The following B4GALT6 variants were observed in gnomAD, a reference collection of about 807,000 sequenced individuals.
B4GALT6 encodes the protein UDP-Gal:beta-GlcNAc beta-1,4-galactosyltransferase 6.
Under a neutral mutation model 46.3 loss-of-function variants are expected in B4GALT6, and 14 were observed. The ratio of observed to expected loss-of-function variants is 0.30; its 90% CI spans 0.20 to 0.47. The LOEUF is 0.47. Among genes scored for constraint, B4GALT6 ranks in the 20% least tolerant of loss-of-function variants. The pLI is 0.99. For missense variants in B4GALT6, 386 were observed against 480.1 expected (o/e 0.80, Z 1.83); for synonymous variants, 168 against 162.0 (o/e 1.04, Z -0.28).
At chr18:31,717,644 A>T in the B4GALT6 span, among the ~76,000 whole-genome samples, 37 of 152,196 alleles carry the variant, frequency 2.4e-4, no homozygotes, top group African/African-American at 7.7e-4. Flanking sequence ...AGAATGGAGA[A>T]TACCATTTTT....
chr18:31,717,810 C>T, the B4GALT6 span, among the ~76,000 whole-genome samples: 2 of 151,824 alleles, frequency 1.3e-5, no homozygotes, highest in African/African-American at 2.4e-5. Flanking sequence ...CAAAATTAGC[C>T]GAGCGTGGTG....
chr18:31,629,785 G>C (rs1321686590), intron 6 of B4GALT6, among the ~76,000 whole-genome samples: 3 of 148,412 alleles, frequency 2.0e-5, no homozygotes, highest in African/African-American at 2.5e-5. Context: ...GGGAGGCAGA[G>C]CTTGCAGTGA....
the B4GALT6 span, among the ~76,000 whole-genome samples, chr18:31,693,513 T>C: frequency 6.6e-6 from 1 of 152,186 alleles, no homozygotes; most frequent in Non-Finnish European, 1.5e-5. Flanking sequence ...TAGCTTACTT[T>C]ATGCAAATGT....
chr18:31,648,420 A>C (rs1011083515), intron 3 of B4GALT6, among the ~76,000 whole-genome samples: 1 of 152,180 alleles, frequency 6.6e-6, no homozygotes, highest in South Asian at 2.1e-4. Flanking sequence ...AGGAGAACTG[A>C]GTGTCTGAAG....
chr18:31,715,537 CTTTTTTTTTTTTTTTTTT>C, the B4GALT6 span, among the ~76,000 whole-genome samples: 1 of 49,610 alleles, frequency 2.0e-5, no homozygotes, highest in Non-Finnish European at 3.3e-5. Context: ...CTGGAACTGT[CTTTTTTTTTTTTTTTTTT>C]TTTTTTTTTT....
chr18:31,685,487 G>A (rs919393130), upstream of B4GALT6, among the ~76,000 whole-genome samples: 2 of 151,858 alleles, frequency 1.3e-5, no homozygotes, highest in South Asian at 2.1e-4. Flanking sequence ...GCGCTGCGCC[G>A]GGCCCCGAGG....
At chr18:31,673,124 G>A (rs544166317) in intron 1 of B4GALT6, among the ~76,000 whole-genome samples, 2 of 152,260 alleles carry the variant, frequency 1.3e-5, no homozygotes, top group African/African-American at 2.4e-5. Flanking sequence ...GAAGCAAGAG[G>A]AAGGAGAAAA....
intron 3 of B4GALT6, among the ~76,000 whole-genome samples, chr18:31,653,172 C>A (rs761650591): frequency 1.2e-4 from 19 of 152,132 alleles, no homozygotes; most frequent in Admixed American, 5.9e-4. Context: ...ATGATGGAAC[C>A]CACAAGGCCC....
chr18:31,706,712 T>C, the B4GALT6 span, among the ~76,000 whole-genome samples: 1 of 152,236 alleles, frequency 6.6e-6, no homozygotes, highest in Admixed American at 6.5e-5. Flanking sequence ...GTTAATGTTT[T>C]ATAGCAAAAT....
chr18:31,682,665 T>C (rs1191029106), intron 1 of B4GALT6, among the ~76,000 whole-genome samples: 1 of 152,220 alleles, frequency 6.6e-6, no homozygotes, highest in African/African-American at 2.4e-5. Context: ...TTTTGAGTAA[T>C]ATAACTTTAA....
the B4GALT6 span, among the ~76,000 whole-genome samples, chr18:31,714,233 C>T: frequency 2.6e-5 from 4 of 152,314 alleles, no homozygotes; most frequent in East Asian, 1.9e-4. Context: ...CTATAATGGA[C>T]GATACAAAAC....
upstream of B4GALT6, among the ~76,000 whole-genome samples, chr18:31,689,676 G>A (rs2030043845): frequency 6.6e-6 from 1 of 151,062 alleles, no homozygotes; most frequent in African/African-American, 2.4e-5. Flanking sequence ...CCCGGGAGAC[G>A]GAGGTTGCAG....
At chr18:31,697,079 T>C in the B4GALT6 span, among the ~76,000 whole-genome samples, 1 of 152,160 alleles carries the variant, frequency 6.6e-6, no homozygotes, top group Non-Finnish European at 1.5e-5. Context: ...GAGACCATCC[T>C]GGGCAGCATG....
At chr18:31,676,200 T>C (rs916064013) in intron 1 of B4GALT6, among the ~76,000 whole-genome samples, 1 of 152,124 alleles carries the variant, frequency 6.6e-6, no homozygotes, top group Non-Finnish European at 1.5e-5. Context: ...AGGAAGGCAA[T>C]ACACGTAACA....
chr18:31,716,774 T>C, the B4GALT6 span, among the ~76,000 whole-genome samples: 1 of 152,308 alleles, frequency 6.6e-6, no homozygotes, highest in African/African-American at 2.4e-5. Context: ...GGGGCATTAA[T>C]GTGCTAACAG....
At chr18:31,717,385 T>C in the B4GALT6 span, among the ~76,000 whole-genome samples, 1 of 151,582 alleles carries the variant, frequency 6.6e-6, no homozygotes, top group African/African-American at 2.4e-5. Flanking sequence ...ACAAGGGGAG[T>C]TTCTGGGTGC....
rs978615892 is a variant in B4GALT6 at position 31,624,731 on chromosome 18, A to G, written c.*883T>C. On this transcript the variant is annotated 3_prime_UTR_variant, in exon 9 of 9. Transcript: ENST00000306851. ...CACCGTGAATTTAAAAAAAATACAC[A>G]GTATAAACACACAACCTTGGAAACA... is the stretch of plus-strand genomic sequence containing the variant. 2.6e-5 allele frequency: 4 copies of G among 152,376 alleles called. No homozygotes were observed. Among genetic ancestry groups the G allele is most frequent in the Admixed American group, 2.0e-4 (3 of 15,276 alleles). The allele number at this position is 152,376 out of a possible 1,614,324, so 9.4% of individuals were successfully genotyped here.
chr18:31,680,091 G>C (rs900284449), intron 1 of B4GALT6, among the ~76,000 whole-genome samples: 1 of 152,040 alleles, frequency 6.6e-6, no homozygotes, highest in East Asian at 1.9e-4. Flanking sequence ...CCAGAAAAAA[G>C]AGATGCCCAA....
chr18:31,683,153 T>C (rs1022549924), intron 1 of B4GALT6, among the ~76,000 whole-genome samples: 4 of 152,212 alleles, frequency 2.6e-5, no homozygotes, highest in African/African-American at 7.2e-5. Flanking sequence ...AAAAGTCTCA[T>C]AGTAATTTTA....
Sources: gnomAD v4.1 joint callset for allele counts (sites outside exome capture counted in the v4.1 genomes callset) on GRCh38, gnomAD v4.1.1 for gene constraint, MANE v1.5 for transcripts, NCBI Gene and HGNC (gene_info 2026-07-23, HGNC 2026-07-21) for gene names.